Variants in ZBTB38 observed in about 807,000 individuals in gnomAD.
ZBTB38 encodes zinc finger and BTB domain containing 38, also known as zinc finger and BTB domain-containing protein 38.
ZBTB38 carries 20 observed loss-of-function variants against 76.8 expected under a neutral mutation model. The ratio of observed to expected loss-of-function variants is 0.26; its 90% CI spans 0.18 to 0.38. The LOEUF is 0.38. Among genes scored for constraint, ZBTB38 ranks in the 10% least tolerant of loss-of-function variants. ZBTB38 has a pLI of 1.00. For synonymous variants in ZBTB38, 504 were observed against 544.2 expected, an observed-to-expected ratio of 0.93 and a Z score of 1.03; for missense variants, 1,082 against 1,482.3, an observed-to-expected ratio of 0.73 and a Z score of 4.43.
intron 4 of ZBTB38, chr3:141,403,004 C>T (rs1447723546): frequency 6.6e-6 from 1 of 152,280 alleles, no homozygotes; most frequent in Non-Finnish European, 1.5e-5. Context: ...TCTCAGCCGC[C>T]TACTTCTGCA....
intron 1 of ZBTB38, among the ~76,000 whole-genome samples, chr3:141,346,747 T>C (rs954231856): frequency 1.3e-5 from 2 of 151,470 alleles, no homozygotes; most frequent in Non-Finnish European, 2.9e-5. Context: ...GCACCCCTGC[T>C]GCCTCTCAAA....
rs1434851596 is a variant in ZBTB38 at position 141,445,184 on chromosome 3, A to G, written c.2796A>G (p.Lys932=). ...YKPKKKSRQL[K]KMRKVNWRKE... ...CCAAAAAGAAATCCAGACAGTTGAA[A>G]AAAATGAGGAAAGTCAACTGGAGGA... The change falls in exon 6 of 6, where the codon AAA becomes AAG. Residue 932 remains lysine (K), a synonymous_variant. Coordinates refer to ENST00000321464, the MANE Select transcript of ZBTB38 (RefSeq NM_001376113.1). This position sits in a 1 kb window ranked among gnomAD's most constrained non-coding sequence, Gnocchi z 6.5. 6.2e-7 allele frequency: 1 copy of G among 1,614,184 alleles called. No homozygotes were observed. Among genetic ancestry groups the G allele is most frequent in the African/African-American group, 1.3e-5 (1 of 75,046 alleles).
rs368705532 is a variant in ZBTB38 at position 141,330,917 on chromosome 3, G to A, written c.-739+6461G>A. ...CTCACCAGATGTGACCCCTCAACCT[G>A]GAACTTCCTGGCCTCCATAACTAAA... On this transcript the variant is annotated intron_variant, in intron 1 of 7. Transcript: ENST00000509842. Among the ~76,000 whole-genome samples the A allele has an allele frequency of 1.4e-4, 21 of 152,286 alleles. 2 individuals carry two copies. Among genetic ancestry groups the A allele is most frequent in the African/African-American group, 5.1e-4 (21 of 41,548 alleles).
intron 2 of ZBTB38, among the ~76,000 whole-genome samples, chr3:141,371,045 CTTTT>C (rs754872291): frequency 9.7e-5 from 7 of 72,002 alleles, no homozygotes; most frequent in African/African-American, 2.3e-4. Context: ...TTCTTTCTTT[CTTTT>C]TTTTTTTTTT....
chr3:141,346,262 C>T (rs1304497933), intron 1 of ZBTB38, among the ~76,000 whole-genome samples: 1 of 152,174 alleles, frequency 6.6e-6, no homozygotes, highest in Non-Finnish European at 1.5e-5. Context: ...GGTCCTCTAG[C>T]TATTTTAACA....
chr3:141,396,232 T>C (rs1950331307), intron 4 of ZBTB38: 1 of 152,300 alleles, frequency 6.6e-6, no homozygotes, highest in African/African-American at 2.4e-5. Context: ...TGTAATATCA[T>C]ATATCCTTTG....
Position 141,440,015 on chromosome 3 carries a change from G to A in ZBTB38, c.1-2374G>A, listed in dbSNP as rs942811636. On this transcript the variant is annotated intron_variant, in intron 5 of 5. Transcript: ENST00000321464. ...CGGGGTCACCCTTTCTCCCTTCAGG[G>A]GCAAAGAGGAAGTCATAAGATTCCA... 1.3e-4 allele frequency among the ~76,000 whole-genome samples: 20 copies of A among 152,128 alleles called. No homozygotes were observed. In the East Asian group the frequency reaches 1.3e-3, roughly 10 times the overall value.
intron 1 of ZBTB38, among the ~76,000 whole-genome samples, chr3:141,335,568 A>G (rs1942991356): frequency 1.3e-5 from 2 of 152,250 alleles, no homozygotes; most frequent in South Asian, 2.1e-4. Context: ...TTCAGGCAGC[A>G]TGATGCCCTG....
rs1206860895 is a variant in ZBTB38, at chr3:141,442,970, C to G, written c.582C>G (p.Asp194Glu). 1.2e-6 allele frequency: 2 copies of G among 1,614,254 alleles called. No homozygotes were observed. The highest frequency in any genetic ancestry group is 1.7e-6 in the Non-Finnish European group (2 of 1,180,046). The change falls in exon 6 of 6, where the codon GAC becomes GAG. Residue 194 changes from aspartate (D) to glutamate (E), a missense_variant. Asp to Glu is a conservative substitution (Grantham distance 45, BLOSUM62 2). This residue lies in a region of ZBTB38 where 324 missense variants were observed against 359.1 expected (regional missense o/e 0.90). Transcript: ENST00000321464. The surrounding 1 kb of genome is among the most constrained non-coding windows in gnomAD (Gnocchi z 6.4). ...GGGCAAGTTTCAAAAAGGTCTCCGA[C>G]TCCATGAGAACAGCTAGCCTTTGCC... ...DLRASFKKVS[D>E]SMRTASLCLE...
In ZBTB38 at chr3:141,442,296, A is replaced by G. The variant is rs2080453474; in HGVS notation, c.1-93A>G. 1.7e-5 allele frequency: 16 copies of G among 963,036 alleles called. No individual in the cohort carries two copies. Among genetic ancestry groups the G allele is most frequent in the Middle Eastern group, 2.2e-4 (1 of 4,534 alleles). 59.7% of individuals were successfully genotyped at this position (963,036 alleles called of 1,614,324 possible). A position where few individuals can be genotyped will look rare whatever the true frequency, so the allele number is the denominator to read the frequency against. ...AGATAAAAACCTGAAGTTTCATACAAAAGAACAGTTTTTCACAGAAGTGGA... is the reference window on the plus strand; with the variant it reads ...AGATAAAAACCTGAAGTTTCATACAGAAGAACAGTTTTTCACAGAAGTGGA... On this transcript the variant is annotated intron_variant, in intron 5 of 5. Transcript: ENST00000321464. This position sits in a 1 kb window ranked among gnomAD's most constrained non-coding sequence, Gnocchi z 6.4.
chr3:141,367,092 C>T (rs1468404366), upstream of ZBTB38: 1 of 152,340 alleles, frequency 6.6e-6, no homozygotes, highest in African/African-American at 2.4e-5. Flanking sequence ...TCCTCCTGCA[C>T]TCTAAAACCA....
chr3:141,354,924 C>T (rs1039349801), intron 1 of ZBTB38, among the ~76,000 whole-genome samples: 5 of 152,038 alleles, frequency 3.3e-5, no homozygotes, highest in Admixed American at 1.3e-4. Context: ...CTCTTTCTCA[C>T]GATTCTTCTT....
chr3:141,392,312 G>A (rs1190955581), intron 4 of ZBTB38, among the ~76,000 whole-genome samples: 1 of 152,128 alleles, frequency 6.6e-6, no homozygotes, highest in African/African-American at 2.4e-5. Flanking sequence ...CAACAATTCA[G>A]TTTACTTCTT....
chr3:141,391,452 T>C (rs1281527388), intron 4 of ZBTB38, among the ~76,000 whole-genome samples: 3 of 152,144 alleles, frequency 2.0e-5, no homozygotes, highest in Non-Finnish European at 2.9e-5. Flanking sequence ...TCCCCTACAG[T>C]AAGAGGATGG....
chr3:141,378,686 A>G (rs1042590032), intron 2 of ZBTB38, among the ~76,000 whole-genome samples: 7 of 152,152 alleles, frequency 4.6e-5, no homozygotes, highest in African/African-American at 1.7e-4. Context: ...CCGCCTTCTA[A>G]CTTGTGGTTT....
intron 1 of ZBTB38, among the ~76,000 whole-genome samples, chr3:141,327,878 GA>G (rs1942720145): frequency 6.6e-6 from 1 of 152,148 alleles, no homozygotes; most frequent in South Asian, 2.1e-4. Context: ...AATTGCCAGG[GA>G]AACGACTGGT....
chr3:141,410,533 G>A (rs1956283173), intron 5 of ZBTB38, among the ~76,000 whole-genome samples: 1 of 152,220 alleles, frequency 6.6e-6, no homozygotes, highest in Non-Finnish European at 1.5e-5. Flanking sequence ...AAGAGCAGGA[G>A]ATGGCAGTCA....
At chr3:141,383,108 C>T (rs1165956267) in intron 3 of ZBTB38, among the ~76,000 whole-genome samples, 1 of 152,094 alleles carries the variant, frequency 6.6e-6, no homozygotes, top group Non-Finnish European at 1.5e-5. Context: ...GTAGTAGGTT[C>T]TCCATAAGGG....
intron 5 of ZBTB38, among the ~76,000 whole-genome samples, chr3:141,404,323 G>A (rs983423396): frequency 6.6e-6 from 1 of 152,174 alleles, no homozygotes; most frequent in African/African-American, 2.4e-5. Flanking sequence ...TCCCTAGGCT[G>A]GAAGGATGCA....
Sources: allele counts gnomAD v4.1 joint callset (sites outside exome capture counted in the v4.1 genomes callset), GRCh38; gene constraint gnomAD v4.1.1; regional missense constraint gnomAD v4.1.1; non-coding constraint Gnocchi (gnomAD v3.1); transcripts MANE v1.5; gene names NCBI Gene and HGNC (gene_info 2026-07-23, HGNC 2026-07-21).